PHKA2: variants seen among roughly 807,000 people sequenced by gnomAD.
PHKA2 encodes phosphorylase b kinase regulatory subunit alpha, liver isoform.
In PHKA2, 31 loss-of-function variants were observed where a neutral mutation model predicts 102.0. The ratio of observed to expected loss-of-function variants is 0.30; its 90% CI spans 0.23 to 0.41. PHKA2 has a LOEUF of 0.41. Ranked by LOEUF, PHKA2 falls within the 10% of genes least tolerant of loss-of-function variation. PHKA2 has a pLI of 1.00. For synonymous variants in PHKA2, 455 were observed against 416.2 expected, an observed-to-expected ratio of 1.09 and a Z score of -1.13; for missense variants, 858 against 1,023.1, an observed-to-expected ratio of 0.84 and a Z score of 2.20.
At chrX:18,960,884 C>T (rs2048857414) in intron 1 of PHKA2, among the ~76,000 whole-genome samples, 1 of 112,525 alleles carries the variant, frequency 8.9e-6, no homozygotes, top group Non-Finnish European at 1.9e-5. Context: ...CAGAACAGAA[C>T]AGAGTCTAGA....
chrX:18,926,504 G>A lies in PHKA2; in HGVS notation c.1408C>T (p.Pro470Ser). The change falls in exon 14 of 33, where the codon CCA (proline) becomes TCA (serine). Residue 470 changes from proline (P) to serine (S), a missense_variant. Coordinates refer to ENST00000379942, the MANE Select transcript of PHKA2 (RefSeq NM_000292.3). ...VNVQSIADIHPIQVQPGRILS... is the reference protein window; with the variant it reads ...VNVQSIADIHSIQVQPGRILS... The stretch of plus-strand genomic sequence containing the variant: ...ATCCGGCCCGGCTGGACTTGAATTG[G>A]ATGAATGTCCGCGATACTCTGGACG... 1 of 1,197,810 alleles carries A rather than the reference G, an allele frequency of 8.3e-7. No individual in the cohort carries two copies. The highest frequency in any genetic ancestry group is 2.2e-5 in the Admixed American group (1 of 46,072).
chrX:18,897,361 G>A, intron 29 of PHKA2, 28 bp from the exon 30 acceptor site: 1 of 1,190,717 alleles, frequency 8.4e-7, no homozygotes, highest in Non-Finnish European at 1.1e-6. Flanking sequence ...TGGGGCCTCA[G>A]AAGCCACGCA....
chrX:18,929,871 C>T (rs1178268619), intron 12 of PHKA2, among the ~76,000 whole-genome samples: 1 of 112,047 alleles, frequency 8.9e-6, no homozygotes, highest in Non-Finnish European at 1.9e-5. Flanking sequence ...CAAATATTCT[C>T]TGTAAAAACT....
intron 1 of PHKA2, among the ~76,000 whole-genome samples, chrX:18,978,551 A>C (rs770195121): frequency 7.6e-4 from 84 of 109,925 alleles, no homozygotes; most frequent in African/African-American, 2.6e-3. Context: ...GTATCTACTA[A>C]AAATACAAAA....
intron 19 of PHKA2, among the ~76,000 whole-genome samples, chrX:18,915,002 A>G (rs1244731273): frequency 2.7e-5 from 3 of 111,711 alleles, no homozygotes; most frequent in African/African-American, 9.8e-5. Context: ...TAAAAAGGGT[A>G]TATACAAACC....
At position 18,929,817 on chromosome X, in the gene PHKA2, T is replaced by A. The variant is rs113349516; in HGVS notation, c.1246-511A>T. Reference sequence around the variant, plus strand: ...GAATTCTTCTTCCCCAAGGTGGGCATAGAAACCAGAATCCCTTTTCCCCAA... The same window carrying A: ...GAATTCTTCTTCCCCAAGGTGGGCAAAGAAACCAGAATCCCTTTTCCCCAA... On this transcript the variant is annotated intron_variant, in intron 12 of 32. Coordinates refer to ENST00000379942, the MANE Select transcript of PHKA2 (RefSeq NM_000292.3). Among the ~76,000 whole-genome samples the A allele has an allele frequency of 5.2e-3, 585 of 112,029 alleles. 6 individuals are homozygous for A. The highest frequency in any genetic ancestry group is 0.018 in the African/African-American group (548 of 30,783).
intron 19 of PHKA2, among the ~76,000 whole-genome samples, chrX:18,918,240 C>T (rs2048053159): frequency 8.9e-6 from 1 of 112,132 alleles, no homozygotes; most frequent in South Asian, 3.7e-4. Flanking sequence ...GTAACTTTAC[C>T]TTTCGAAAAA....
intron 21 of PHKA2, 101 bp from the exon 22 acceptor site, chrX:18,908,157 T>G (rs2047857039): frequency 1.2e-6 from 1 of 805,311 alleles, no homozygotes; most frequent in South Asian, 2.0e-5. Context: ...GCTCTCCCAG[T>G]GCCCCTGAGT....
At chrX:18,919,252 A>G (rs1569305719) in intron 18 of PHKA2, among the ~76,000 whole-genome samples, 8 of 111,854 alleles carry the variant, frequency 7.2e-5, no homozygotes. Flanking sequence ...ACTATCTAAA[A>G]GTGAAAAACA....
chrX:18,952,804 T>C (rs2048719863), intron 2 of PHKA2, among the ~76,000 whole-genome samples: 1 of 112,697 alleles, frequency 8.9e-6, no homozygotes, highest in African/African-American at 3.2e-5. Flanking sequence ...TGACTCCTCG[T>C]TGACATCTTA....
intron 1 of PHKA2, among the ~76,000 whole-genome samples, chrX:18,980,372 GTC>G (rs762807525): frequency 1.1e-4 from 12 of 112,664 alleles, no homozygotes; most frequent in Admixed American, 5.6e-4. Flanking sequence ...GGAACTGAAT[GTC>G]TCTGTATAAA....
chrX:18,911,050 G>C (rs1423979178), intron 19 of PHKA2, 90 bp from the exon 20 acceptor site: 1 of 546,518 alleles, frequency 1.8e-6, no homozygotes, highest in Non-Finnish European at 3.0e-6. Flanking sequence ...CTGTCACCCA[G>C]GCTGGAGTGC....
At chrX:18,923,668 T>A (rs1393853475) in intron 17 of PHKA2, among the ~76,000 whole-genome samples, 2 of 112,316 alleles carry the variant, frequency 1.8e-5, no homozygotes, top group African/African-American at 6.5e-5. Context: ...TGATAGCATA[T>A]TCAAGTTGGT....
chrX:18,922,459 T>C (rs1413507759), intron 17 of PHKA2, among the ~76,000 whole-genome samples: 2 of 110,969 alleles, frequency 1.8e-5, no homozygotes, highest in Non-Finnish European at 3.8e-5. Context: ...GAAGCTTGGA[T>C]CAAGGGCCAC....
At chrX:18,957,324 A>T (rs2048792824) in intron 1 of PHKA2, among the ~76,000 whole-genome samples, 1 of 112,019 alleles carries the variant, frequency 8.9e-6, no homozygotes, top group African/African-American at 3.2e-5. Context: ...GAACCACCTG[A>T]ACAGGTCCAT....
chrX:18,931,212 C>A lies in PHKA2; in HGVS notation c.1245+429G>T, dbSNP rs184305413. Reference sequence around the variant, plus strand: ...CACCAGAGAAAATCCGGCCCGCCACCTCTTTCTGTAGAGATCTGTGGCCCT... The same window carrying A: ...CACCAGAGAAAATCCGGCCCGCCACATCTTTCTGTAGAGATCTGTGGCCCT... On this transcript the variant is annotated intron_variant, in intron 12 of 32. Transcript: ENST00000379942. Among the ~76,000 whole-genome samples, 7 of 112,379 alleles carry A rather than the reference C, an allele frequency of 6.2e-5. No individual in the cohort carries two copies. The East Asian group carries it at 2.0e-3, about 31-fold the overall frequency.
intron 30 of PHKA2, chrX:18,895,610 C>CCAAT (rs1192399153): frequency 8.6e-5 from 16 of 185,373 alleles, no homozygotes; most frequent in African/African-American, 1.5e-4. Flanking sequence ...ATAATAAGCA[C>CCAAT]CAATCACAAA....
chrX:18,915,471 A>C (rs1241160863), intron 19 of PHKA2: 5 of 108,290 alleles, frequency 4.6e-5, no homozygotes, highest in Admixed American at 2.0e-4. Context: ...TCCCGGACTC[A>C]TGCGATCCTC....
intron 17 of PHKA2, among the ~76,000 whole-genome samples, chrX:18,923,340 C>T (rs73191589): frequency 9.0e-6 from 1 of 111,443 alleles, no homozygotes; most frequent in Non-Finnish European, 1.9e-5. Flanking sequence ...GTGCCTGGTC[C>T]ACAGCATTCT....
Sources: gnomAD v4.1 joint callset for allele counts (sites outside exome capture counted in the v4.1 genomes callset) on GRCh38, gnomAD v4.1.1 for gene constraint, MANE v1.5 for transcripts, NCBI Gene and HGNC (gene_info 2026-07-23, HGNC 2026-07-21) for gene names.